The following PCSK5 variants were observed in gnomAD, a reference collection of about 807,000 sequenced individuals.
The protein encoded by PCSK5 is prohormone convertase 5.
Under a neutral mutation model 233.2 loss-of-function variants are expected in PCSK5, and 129 were observed. The observed-to-expected ratio is 0.55, with a 90% CI of 0.48 to 0.64. PCSK5 has a LOEUF of 0.64. Among genes scored for constraint, PCSK5 ranks in the 30% least tolerant of loss-of-function variants. PCSK5 has a pLI of 0.00. For missense variants in PCSK5, 2,076 were observed against 2,430.1 expected (o/e 0.85, Z 3.06); for synonymous variants, 825 against 879.2 (o/e 0.94, Z 1.09).
intron 5 of PCSK5, among the ~76,000 whole-genome samples, chr9:76,043,958 C>T (rs1038645705): frequency 6.6e-6 from 1 of 151,964 alleles, no homozygotes; most frequent in East Asian, 1.9e-4. Flanking sequence ...TCTCTATGTC[C>T]CATCACACAC....
intron 2 of PCSK5, among the ~76,000 whole-genome samples, chr9:75,937,180 CTTTTTTTTTT>C (rs35148539): frequency 1.5e-5 from 2 of 136,198 alleles, no homozygotes; most frequent in East Asian, 2.2e-4. Context: ...TAGCATAATT[CTTTTTTTTTT>C]TTTTTTTTTA....
At chr9:75,899,518 T>G (rs966757272) in intron 1 of PCSK5, among the ~76,000 whole-genome samples, 3 of 152,168 alleles carry the variant, frequency 2.0e-5, no homozygotes, top group Non-Finnish European at 4.4e-5. Flanking sequence ...TTGTACCCTT[T>G]GACCTACATC....
intron 1 of PCSK5, among the ~76,000 whole-genome samples, chr9:75,930,430 G>A (rs1823733872): frequency 6.6e-6 from 1 of 152,184 alleles, no homozygotes; most frequent in Non-Finnish European, 1.5e-5. Context: ...TCTATTCAGT[G>A]AGTTAGATGA....
chr9:76,336,947 GGTGA>G (rs1829694030), intron 34 of PCSK5, among the ~76,000 whole-genome samples: 1 of 151,744 alleles, frequency 6.6e-6, no homozygotes, highest in Admixed American at 6.6e-5. Flanking sequence ...GGTTCAATAA[GGTGA>G]AATAATGTTT....
intron 34 of PCSK5, 38 bp from the exon 35 acceptor site, chr9:76,338,192 A>T: frequency 6.8e-7 from 1 of 1,469,696 alleles, no homozygotes; most frequent in Non-Finnish European, 9.4e-7. Context: ...TTAGGAGCAA[A>T]GCTTACTATT....
At chr9:76,345,775 A>C (rs968247249) in intron 35 of PCSK5, among the ~76,000 whole-genome samples, 11 of 150,552 alleles carry the variant, frequency 7.3e-5, no homozygotes, top group Non-Finnish European at 1.3e-4. Flanking sequence ...GCTTGAGTGC[A>C]GTGGTGTGAT....
chr9:76,264,265 A>G (rs1240217201), intron 24 of PCSK5, among the ~76,000 whole-genome samples: 1 of 152,162 alleles, frequency 6.6e-6, no homozygotes, highest in Non-Finnish European at 1.5e-5. Context: ...ATGCAGAAGA[A>G]TAAAACTATA....
In PCSK5 at chr9:76,332,492, T is replaced by A. The variant is rs1189922187; in HGVS notation, c.4630T>A (p.Cys1544Ser). 1 of 1,612,602 alleles carries A rather than the reference T, an allele frequency of 6.2e-7. No homozygotes were observed. Among genetic ancestry groups the A allele is most frequent in the Non-Finnish European group, 8.5e-7 (1 of 1,179,628 alleles). The change falls in exon 34 of 38, where the codon TGT (cysteine) becomes AGT (serine). Residue 1544 changes from cysteine (C) to serine (S), a missense_variant. By Grantham distance (112) the Cys-to-Ser change is moderately radical. Coordinates refer to ENST00000674117, the MANE Select transcript of PCSK5 (RefSeq NM_001372043.1). ...TTATGCCGATGAGGACAGCAACCGGTGTGCCCACTGCCACAGCTCTTGCAG... is the reference window on the plus strand; with the variant it reads ...TTATGCCGATGAGGACAGCAACCGGAGTGCCCACTGCCACAGCTCTTGCAG... ...GYYADEDSNR[C>S]AHCHSSCRTC...
chr9:75,977,014 G>C lies in PCSK5; in HGVS notation c.298-9118G>C, dbSNP rs1021865970. On this transcript the variant is annotated intron_variant, in intron 2 of 37. Coordinates refer to ENST00000674117, the MANE Select transcript of PCSK5 (RefSeq NM_001372043.1). ...GAAATGCTGGAGATGTCTTTTATTAGTCTGGGAGAATGCATCACTTAACGT... is the reference window on the plus strand; with the variant it reads ...GAAATGCTGGAGATGTCTTTTATTACTCTGGGAGAATGCATCACTTAACGT... Among the ~76,000 whole-genome samples the C allele has an allele frequency of 3.9e-5, 6 of 152,188 alleles. No individual in the cohort carries two copies. In the East Asian group the frequency reaches 1.2e-3, roughly 29 times the overall value.
chr9:75,933,291 T>G (rs1362393844), intron 2 of PCSK5, among the ~76,000 whole-genome samples: 1 of 152,174 alleles, frequency 6.6e-6, no homozygotes, highest in Non-Finnish European at 1.5e-5. Context: ...AATTGGCCTC[T>G]CTGATGTGTC....
chr9:76,192,333 T>C (rs992869583), intron 20 of PCSK5, among the ~76,000 whole-genome samples: 2 of 152,218 alleles, frequency 1.3e-5, no homozygotes, highest in Non-Finnish European at 2.9e-5. Context: ...AATGAGAATA[T>C]TGATGGCTCA....
At chr9:76,301,700 C>T (rs1828608691) in intron 27 of PCSK5, among the ~76,000 whole-genome samples, 1 of 152,110 alleles carries the variant, frequency 6.6e-6, no homozygotes, top group Non-Finnish European at 1.5e-5. Context: ...AAATACTAGC[C>T]AGGCATGGCG....
At chr9:76,243,362 G>A (rs961402910) in intron 24 of PCSK5, among the ~76,000 whole-genome samples, 1 of 152,180 alleles carries the variant, frequency 6.6e-6, no homozygotes, top group Non-Finnish European at 1.5e-5. Flanking sequence ...CACCTGGAAT[G>A]AAACCTCTTA....
At chr9:76,106,474 T>C (rs1831983883) in intron 8 of PCSK5, among the ~76,000 whole-genome samples, 1 of 152,226 alleles carries the variant, frequency 6.6e-6, no homozygotes, top group African/African-American at 2.4e-5. Context: ...GATGGTAATA[T>C]TATTCCGTCA....
chr9:76,273,759 A>G (rs1056071559), intron 24 of PCSK5, among the ~76,000 whole-genome samples: 1 of 150,952 alleles, frequency 6.6e-6, no homozygotes, highest in African/African-American at 2.4e-5. Context: ...CAGTCCCCCA[A>G]GTAGCTGGGA....
At chr9:76,218,448 G>T (rs1332519654) in intron 20 of PCSK5, among the ~76,000 whole-genome samples, 3 of 152,164 alleles carry the variant, frequency 2.0e-5, no homozygotes, top group African/African-American at 7.2e-5. Context: ...TTGGGATCCA[G>T]TCTGACCAGG....
At chr9:76,333,862 T>C (rs562514548) in intron 34 of PCSK5, among the ~76,000 whole-genome samples, 1 of 152,244 alleles carries the variant, frequency 6.6e-6, no homozygotes, top group Non-Finnish European at 1.5e-5. Context: ...TTCACTTATT[T>C]ATTTAACACA....
chr9:75,986,280 G>A (rs1183183205), intron 3 of PCSK5, 35 bp downstream of exon 3: 2 of 1,236,864 alleles, frequency 1.6e-6, no homozygotes, highest in African/African-American at 1.5e-5. Context: ...CTAGGGCCAT[G>A]TCATCCGGTT....
chr9:76,193,428 G>GC (rs1564097871), intron 20 of PCSK5: 2 of 629,930 alleles, frequency 3.2e-6, no homozygotes, highest in Non-Finnish European at 4.4e-6. Context: ...AAGCCAAAAA[G>GC]AAAAAAAAAA....
Sources: allele counts gnomAD v4.1 joint callset (sites outside exome capture counted in the v4.1 genomes callset), GRCh38; gene constraint gnomAD v4.1.1; transcripts MANE v1.5; gene names NCBI Gene and HGNC (gene_info 2026-07-23, HGNC 2026-07-21).